THSD7B: variants seen among roughly 807,000 people sequenced by gnomAD.
THSD7B encodes thrombospondin type-1 domain-containing protein 7B.
In THSD7B, 138 loss-of-function variants were observed where a neutral mutation model predicts 213.6. The ratio of observed to expected loss-of-function variants is 0.65; its 90% CI spans 0.56 to 0.74. THSD7B has a LOEUF of 0.74. THSD7B is among the 30% of genes least tolerant of loss of function. The probability of loss-of-function intolerance (pLI) is 0.00; values close to 1 mark genes in which losing one functional copy is unlikely to be tolerated. For synonymous variants in THSD7B, 742 were observed against 687.0 expected (o/e 1.08, Z -1.25); for missense variants, 1,931 against 1,991.5 (o/e 0.97, Z 0.58).
At chr2:137,336,707 C>T (rs1271303077) in intron 12 of THSD7B, among the ~76,000 whole-genome samples, 1 of 152,076 alleles carries the variant, frequency 6.6e-6, no homozygotes, top group Non-Finnish European at 1.5e-5. Context: ...GAAGAGAATA[C>T]CACAAACAGT....
intron 12 of THSD7B, among the ~76,000 whole-genome samples, chr2:137,373,446 C>T (rs1258719950): frequency 6.6e-6 from 1 of 152,118 alleles, no homozygotes; most frequent in Non-Finnish European, 1.5e-5. Context: ...CTCTGATGGC[C>T]AGTGATGGTG....
chr2:136,921,532 C>A (rs1020896068), intron 2 of THSD7B, among the ~76,000 whole-genome samples: 2 of 151,968 alleles, frequency 1.3e-5, no homozygotes, highest in Non-Finnish European at 2.9e-5. Flanking sequence ...GTGGAAGATG[C>A]AGTTTGATTA....
At chr2:137,253,411 G>A (rs756386813) in intron 10 of THSD7B, among the ~76,000 whole-genome samples, 6 of 152,034 alleles carry the variant, frequency 3.9e-5, no homozygotes, top group Admixed American at 6.6e-5. Context: ...AATTTTCTTC[G>A]TGGAACAGCC....
rs1351442444 is a variant in THSD7B, at chr2:137,361,255, A to G, written c.2501-44358A>G. On this transcript the variant is annotated intron_variant, in intron 12 of 27. Transcript: ENST00000409968. ...CCATCATCAAAGACCAAAGGTAGATAAAACCACAAAGATGGCGAGGAACCA... is the reference window on the plus strand; with the variant it reads ...CCATCATCAAAGACCAAAGGTAGATGAAACCACAAAGATGGCGAGGAACCA... Among the ~76,000 whole-genome samples, 4 of 152,218 alleles carry G rather than the reference A, an allele frequency of 2.6e-5. No individual in the cohort carries two copies. The South Asian group carries it at 6.2e-4, about 24-fold the overall frequency.
At chr2:137,021,236 ACTAGCTACATAT>A (rs1686440873) in intron 2 of THSD7B, among the ~76,000 whole-genome samples, 1 of 152,208 alleles carries the variant, frequency 6.6e-6, no homozygotes, top group Non-Finnish European at 1.5e-5. Context: ...TGTTTTAGCC[ACTAGCTACATAT>A]GGCTACTGAG....
At chr2:137,068,811 G>C (rs1573801008) in intron 3 of THSD7B, among the ~76,000 whole-genome samples, 1 of 151,954 alleles carries the variant, frequency 6.6e-6, no homozygotes, top group Non-Finnish European at 1.5e-5. Flanking sequence ...CCTCTGTTTT[G>C]ATTATGGCTA....
chr2:137,426,750 A>G (rs554905098), intron 14 of THSD7B, among the ~76,000 whole-genome samples: 2 of 152,302 alleles, frequency 1.3e-5, no homozygotes, highest in South Asian at 4.1e-4. Context: ...TGACAATGAT[A>G]TTTTGGATAT....
At chr2:137,304,520 G>A (rs1181128941) in intron 12 of THSD7B, among the ~76,000 whole-genome samples, 1 of 151,956 alleles carries the variant, frequency 6.6e-6, no homozygotes, top group Non-Finnish European at 1.5e-5. Context: ...GACTTTTAAA[G>A]GAAATACATC....
chr2:137,248,838 T>C (rs1682102150), intron 10 of THSD7B, among the ~76,000 whole-genome samples: 1 of 152,198 alleles, frequency 6.6e-6, no homozygotes, highest in Non-Finnish European at 1.5e-5. Context: ...TAAATCTTTT[T>C]TGTTTCTTCT....
At chr2:136,868,398 A>C (rs956672667) in intron 1 of THSD7B, among the ~76,000 whole-genome samples, 15 of 152,224 alleles carry the variant, frequency 9.9e-5, no homozygotes, top group Non-Finnish European at 1.9e-4. Flanking sequence ...GACATAATAA[A>C]TAAAAACTTG....
intron 12 of THSD7B, among the ~76,000 whole-genome samples, chr2:137,300,541 A>G (rs1683574179): frequency 6.6e-6 from 1 of 152,144 alleles, no homozygotes; most frequent in Non-Finnish European, 1.5e-5. Flanking sequence ...ACATATCCAC[A>G]TGGCAAATTA....
At chr2:137,532,597 A>G (rs1160454644) in intron 15 of THSD7B, among the ~76,000 whole-genome samples, 7 of 151,802 alleles carry the variant, frequency 4.6e-5, no homozygotes, top group Admixed American at 4.6e-4. Context: ...TGATTAAACT[A>G]CTTGGTTATG....
At chr2:137,443,456 T>C (rs1366752710) in intron 14 of THSD7B, among the ~76,000 whole-genome samples, 1 of 152,176 alleles carries the variant, frequency 6.6e-6, no homozygotes, top group East Asian at 1.9e-4. Flanking sequence ...ATACATTATT[T>C]GTATCATACA....
chr2:137,498,824 C>A (rs1679634829), intron 15 of THSD7B, among the ~76,000 whole-genome samples: 1 of 152,086 alleles, frequency 6.6e-6, no homozygotes, highest in Non-Finnish European at 1.5e-5. Context: ...AGAGCAGAGG[C>A]CTAAGTGAGA....
intron 5 of THSD7B, among the ~76,000 whole-genome samples, chr2:137,152,006 A>ATTTTTTT (rs201462563): frequency 7.3e-6 from 1 of 137,642 alleles, no homozygotes; most frequent in Non-Finnish European, 1.6e-5. Flanking sequence ...AGCTACCTTA[A>ATTTTTTT]TTTTTTTTTT....
At chr2:137,642,782 C>A (rs1193806481) in intron 21 of THSD7B, 149 bp downstream of exon 21, 2 of 955,904 alleles carry the variant, frequency 2.1e-6, no homozygotes, top group Non-Finnish European at 3.0e-6. Flanking sequence ...TGGAAAAATA[C>A]AACCAAATGG....
At chr2:137,467,002 A>G (rs970170817) in intron 15 of THSD7B, among the ~76,000 whole-genome samples, 14 of 152,024 alleles carry the variant, frequency 9.2e-5, no homozygotes, top group African/African-American at 2.9e-4. Context: ...TGGGAATCTT[A>G]AGTACAATAA....
intron 2 of THSD7B, among the ~76,000 whole-genome samples, chr2:137,036,624 C>G (rs1270080079): frequency 6.6e-6 from 1 of 152,088 alleles, no homozygotes. Flanking sequence ...CTGTACAGTG[C>G]CTGTAAAAGA....
chr2:137,176,174 A>G (rs1281754527), intron 7 of THSD7B, among the ~76,000 whole-genome samples: 1 of 152,170 alleles, frequency 6.6e-6, no homozygotes, highest in African/African-American at 2.4e-5. Flanking sequence ...CCTTCAGTGA[A>G]TCAACCTATT....
Sources: gnomAD v4.1 joint callset for allele counts (sites outside exome capture counted in the v4.1 genomes callset) on GRCh38, gnomAD v4.1.1 for gene constraint, MANE v1.5 for transcripts, NCBI Gene and HGNC (gene_info 2026-07-23, HGNC 2026-07-21) for gene names.